Variants in GALNT11 observed in about 807,000 individuals in gnomAD.
GALNT11 encodes UDP-GalNAc:polypeptide N-acetylgalactosaminyltransferase 11.
A neutral mutation model predicts 72.7 loss-of-function variants in GALNT11; 47 were observed. The ratio of observed to expected loss-of-function variants is 0.65; its 90% CI spans 0.51 to 0.82. The LOEUF is 0.82. Ranked by LOEUF, GALNT11 falls within the 40% of genes least tolerant of loss-of-function variation. The pLI is 0.00. For synonymous variants in GALNT11, 270 were observed against 286.6 expected (o/e 0.94, Z 0.58); for missense variants, 677 against 778.4 (o/e 0.87, Z 1.55).
intron 1 of GALNT11, among the ~76,000 whole-genome samples, chr7:152,076,482 T>G (rs2084988057): frequency 6.6e-6 from 1 of 152,164 alleles, no homozygotes; most frequent in Non-Finnish European, 1.5e-5. Flanking sequence ...TGTGGACAAA[T>G]GAAGCTTGAT....
At chr7:152,100,469 G>C (rs539547380) in intron 2 of GALNT11, among the ~76,000 whole-genome samples, 40 of 152,122 alleles carry the variant, frequency 2.6e-4, no homozygotes, top group African/African-American at 8.9e-4. Context: ...GGGAGGCTGA[G>C]GCAGGAGAAT....
Position 152,055,561 on chromosome 7 carries a change from GTGTGTGTA to G in GALNT11, c.-39+29679_-39+29686del, listed in dbSNP as rs1259750547. On this transcript the variant is annotated intron_variant, in intron 1 of 11. Coordinates refer to ENST00000430044, the MANE Select transcript of GALNT11 (RefSeq NM_022087.4). ...TGTGTGTGTGTGTGTGTGTGTGTGT[GTGTGTGTA>G]TATATACATATATATATATACACAC... Among the ~76,000 whole-genome samples the G allele has an allele frequency of 7.0e-3, 805 of 114,380 alleles. 6 individuals carry two copies. The highest frequency in any genetic ancestry group is 0.024 in the African/African-American group (567 of 24,038). 75.0% of individuals were successfully genotyped at this position (114,380 alleles called of 152,430 possible). A position where few individuals can be genotyped will look rare whatever the true frequency, so the allele number is the denominator to read the frequency against.
At chr7:152,031,571 G>C (rs1338543261) in intron 1 of GALNT11, among the ~76,000 whole-genome samples, 8 of 152,160 alleles carry the variant, frequency 5.3e-5, no homozygotes, top group Admixed American at 4.6e-4. Flanking sequence ...ACACTAGGAT[G>C]GGTACTGCTG....
intron 1 of GALNT11, among the ~76,000 whole-genome samples, chr7:152,059,716 G>A (rs1466975386): frequency 6.6e-6 from 1 of 152,156 alleles, no homozygotes; most frequent in East Asian, 1.9e-4. Context: ...TCTCAACAGT[G>A]GGCTTAATAT....
intron 1 of GALNT11, among the ~76,000 whole-genome samples, chr7:152,028,685 C>A (rs975820688): frequency 6.6e-6 from 1 of 152,166 alleles, no homozygotes; most frequent in Non-Finnish European, 1.5e-5. Flanking sequence ...CAATCCCCCC[C>A]CTCTAAACAG....
chr7:152,083,179 T>G (rs1210848651), intron 1 of GALNT11, among the ~76,000 whole-genome samples: 1 of 152,206 alleles, frequency 6.6e-6, no homozygotes, highest in Non-Finnish European at 1.5e-5. Flanking sequence ...TTTTTTGTCT[T>G]TATGTAATCC....
At chr7:152,061,524 G>T (rs1440794643) in intron 1 of GALNT11, among the ~76,000 whole-genome samples, 1 of 152,150 alleles carries the variant, frequency 6.6e-6, no homozygotes, top group Non-Finnish European at 1.5e-5. Flanking sequence ...ATTGCTTTTG[G>T]TGTTTTAGAC....
chr7:152,053,338 T>TG (rs2083489749), intron 1 of GALNT11, among the ~76,000 whole-genome samples: 1 of 152,200 alleles, frequency 6.6e-6, no homozygotes, highest in South Asian at 2.1e-4. Context: ...TCATTCTACT[T>TG]GCTTTTCTCT....
At chr7:152,054,773 C>T (rs1339301130) in intron 1 of GALNT11, among the ~76,000 whole-genome samples, 1 of 152,008 alleles carries the variant, frequency 6.6e-6, no homozygotes, top group Non-Finnish European at 1.5e-5. Context: ...CCCACCTCAG[C>T]CTCCCAAAGT....
intron 1 of GALNT11, among the ~76,000 whole-genome samples, chr7:152,056,019 G>A (rs191953994): frequency 1.7e-4 from 26 of 151,716 alleles, no homozygotes; most frequent in African/African-American, 5.8e-4. Flanking sequence ...TCAGTTCGTG[G>A]CAATCACTAA....
At chr7:152,120,648 C>T in intron 10 of GALNT11, 183 bp from the exon 11 acceptor site, 2 of 577,490 alleles carry the variant, frequency 3.5e-6, no homozygotes, top group Non-Finnish European at 3.0e-6. Context: ...TAGCACCTCA[C>T]TTTCTCCTGC....
intron 2 of GALNT11, among the ~76,000 whole-genome samples, chr7:152,096,146 T>C (rs922943003): frequency 6.6e-6 from 1 of 152,208 alleles, no homozygotes; most frequent in Non-Finnish European, 1.5e-5. Context: ...TTGAAAGATA[T>C]TCCAGGTTCA....
rs2087410894 is a variant in GALNT11 at position 152,105,293 on chromosome 7, G to A, written c.635G>A (p.Gly212Glu). 2 of 1,613,972 alleles carry A rather than the reference G, an allele frequency of 1.2e-6. No homozygotes were observed. Among genetic ancestry groups the A allele is most frequent in the Non-Finnish European group, 1.7e-6 (2 of 1,179,958 alleles). Reference protein sequence around the residue: ...LDEYVQKYLPGKIKVIRNTKR... With the variant: ...LDEYVQKYLPEKIKVIRNTKR... Reference sequence around the variant, plus strand: ...GAATATGTCCAAAAATACCTCCCTGGAAAAATTAAAGTCATAAGAAATACA... The same window carrying A: ...GAATATGTCCAAAAATACCTCCCTGAAAAAATTAAAGTCATAAGAAATACA... Residue 212 changes from glycine (G) to glutamate (E), a missense_variant, in exon 5 of 12, where the codon GGA becomes GAA. By Grantham distance (98) the Gly-to-Glu change is moderately conservative (BLOSUM62 -2). Coordinates refer to ENST00000430044, the MANE Select transcript of GALNT11 (RefSeq NM_022087.4).
intron 1 of GALNT11, among the ~76,000 whole-genome samples, chr7:152,034,329 A>G (rs2082451614): frequency 1.3e-5 from 2 of 152,314 alleles, no homozygotes; most frequent in Middle Eastern, 3.4e-3. Context: ...GAAAGCTTGG[A>G]CATAAGGTGT....
chr7:152,067,925 G>A (rs536960217), intron 1 of GALNT11, among the ~76,000 whole-genome samples: 1 of 152,216 alleles, frequency 6.6e-6, no homozygotes, highest in South Asian at 2.1e-4. Flanking sequence ...GAGCAGACAC[G>A]TCACATGGTG....
Position 152,122,234 on chromosome 7 carries a change from A to G in GALNT11, c.*557A>G, listed in dbSNP as rs1282990063. On this transcript the variant is annotated 3_prime_UTR_variant, in exon 12 of 12. Coordinates refer to ENST00000430044, the MANE Select transcript of GALNT11 (RefSeq NM_022087.4). ...CATTTTAAAAAACTGAATCTATATT[A>G]TGTTTAACTTCAGAAGGCATCATTT... 1.3e-5 allele frequency: 2 copies of G among 152,216 alleles called. No homozygotes were observed. The highest frequency in any genetic ancestry group is 2.9e-5 in the Non-Finnish European group (2 of 68,042). The allele number at this position is 152,216 out of a possible 1,614,324, so 9.4% of individuals were successfully genotyped here.
At chr7:152,056,521 C>T (rs1047612988) in intron 1 of GALNT11, among the ~76,000 whole-genome samples, 2 of 152,180 alleles carry the variant, frequency 1.3e-5, no homozygotes, top group Non-Finnish European at 2.9e-5. Flanking sequence ...CCTCAGACTA[C>T]TCTGCATGTC....
rs1205368352 is a variant in GALNT11 at position 152,032,576 on chromosome 7, A to G, written c.-39+6692A>G. Among the ~76,000 whole-genome samples, 3 of 152,332 alleles carry G rather than the reference A, an allele frequency of 2.0e-5. No individual in the cohort carries two copies. The East Asian group carries it at 5.8e-4, about 29-fold the overall frequency. On this transcript the variant is annotated intron_variant, in intron 1 of 11. Coordinates refer to ENST00000430044, the MANE Select transcript of GALNT11 (RefSeq NM_022087.4). ...TTTCTTTACTAAGCCTTGAGCTTTT[A>G]CATGTTTAACAATATCCTGTAATCC...
At chr7:152,042,271 T>C (rs2082898008) in intron 1 of GALNT11, among the ~76,000 whole-genome samples, 1 of 152,234 alleles carries the variant, frequency 6.6e-6, no homozygotes, top group African/African-American at 2.4e-5. Context: ...TTTGGAATCA[T>C]AGCAGGAGAA....
Sources: allele counts gnomAD v4.1 joint callset (sites outside exome capture counted in the v4.1 genomes callset), GRCh38; gene constraint gnomAD v4.1.1; transcripts MANE v1.5; gene names NCBI Gene and HGNC (gene_info 2026-07-23, HGNC 2026-07-21).